Variants in CTNNA2 observed in about 807,000 individuals in gnomAD.
CTNNA2 encodes catenin alpha-2.
In CTNNA2, 42 loss-of-function variants were observed where a neutral mutation model predicts 101.0. The observed-to-expected ratio is 0.42, with a 90% confidence interval of 0.32 to 0.54. The LOEUF (loss-of-function observed/expected upper bound fraction) is 0.54. Ranked by LOEUF, CTNNA2 falls within the 20% of genes least tolerant of loss-of-function variation. CTNNA2 has a pLI of 0.14. For synonymous variants in CTNNA2, 450 were observed against 456.4 expected, an observed-to-expected ratio of 0.99 and a Z score of 0.18; for missense variants, 871 against 1,223.1, an observed-to-expected ratio of 0.71 and a Z score of 4.29.
At position 79,960,958 on chromosome 2, in the gene CTNNA2, C is replaced by T. The variant is rs539968665; in HGVS notation, c.1056+51161C>T. On this transcript the variant is annotated intron_variant, in intron 7 of 18. Coordinates refer to ENST00000402739, the MANE Select transcript of CTNNA2 (RefSeq NM_001282597.3). ...GGGTGATACAGTGACCTTTACATGG[C>T]CACTGTAGTTTCACAAAGAGGCTCT... Among the ~76,000 whole-genome samples the T allele has an allele frequency of 3.9e-5, 6 of 152,242 alleles. No homozygotes were observed. The South Asian group carries it at 1.0e-3, about 26-fold the overall frequency.
At chr2:79,352,054 G>C (rs1270465119) in intron 3 of CTNNA2, among the ~76,000 whole-genome samples, 1 of 152,126 alleles carries the variant, frequency 6.6e-6, no homozygotes, top group Non-Finnish European at 1.5e-5. Flanking sequence ...GCATATAACT[G>C]TTCCCTTTAC....
chr2:79,260,606 C>T (rs541401884), intron 2 of CTNNA2, among the ~76,000 whole-genome samples: 2 of 152,230 alleles, frequency 1.3e-5, no homozygotes, highest in African/African-American at 4.8e-5. Context: ...TTTAACTGAA[C>T]ATTACATTCG....
At chr2:80,356,264 G>C (rs1239300986) in intron 7 of CTNNA2, among the ~76,000 whole-genome samples, 1 of 152,128 alleles carries the variant, frequency 6.6e-6, no homozygotes, top group Non-Finnish European at 1.5e-5. Flanking sequence ...GCACAAAGGT[G>C]ACTAATGGAC....
intron 1 of CTNNA2, among the ~76,000 whole-genome samples, chr2:79,530,197 G>A (rs142917607): frequency 4.9e-4 from 75 of 152,206 alleles, no homozygotes; most frequent in Non-Finnish European, 1.0e-3. Flanking sequence ...AATTATTGGC[G>A]TGGGTAACAT....
chr2:80,222,781 A>T (rs755265584), intron 7 of CTNNA2, among the ~76,000 whole-genome samples: 3 of 152,228 alleles, frequency 2.0e-5, no homozygotes, highest in Non-Finnish European at 4.4e-5. Context: ...TTTAGCTATA[A>T]TCTCAAATCC....
At chr2:80,221,046 C>A (rs954385387) in intron 7 of CTNNA2, among the ~76,000 whole-genome samples, 1 of 152,052 alleles carries the variant, frequency 6.6e-6, no homozygotes, top group African/African-American at 2.4e-5. Context: ...GCATGCCGGG[C>A]TAATTTTGGT....
intron 7 of CTNNA2, among the ~76,000 whole-genome samples, chr2:79,962,365 A>G (rs1289738495): frequency 6.6e-6 from 1 of 152,238 alleles, no homozygotes; most frequent in East Asian, 1.9e-4. Flanking sequence ...CGTATTATTC[A>G]TGACCTATTC....
At chr2:80,145,834 G>GCA (rs2148918151) in intron 7 of CTNNA2, among the ~76,000 whole-genome samples, 1 of 152,280 alleles carries the variant, frequency 6.6e-6, no homozygotes, top group African/African-American at 2.4e-5. Context: ...TCCATTTGCC[G>GCA]CACACACACT....
At chr2:79,327,903 G>A (rs1334722059) in intron 3 of CTNNA2, among the ~76,000 whole-genome samples, 1 of 152,160 alleles carries the variant, frequency 6.6e-6, no homozygotes, top group Non-Finnish European at 1.5e-5. Flanking sequence ...TGTGAAATCA[G>A]AAGACTAGTA....
intron 2 of CTNNA2, among the ~76,000 whole-genome samples, chr2:79,231,914 TAAAAC>T (rs1428953047): frequency 2.0e-4 from 30 of 152,206 alleles, no homozygotes; most frequent in African/African-American, 7.2e-4. Flanking sequence ...TCTTGTATCC[TAAAAC>T]TTTACCAAAT....
chr2:79,450,074 A>G (rs1410283850), intron 4 of CTNNA2, among the ~76,000 whole-genome samples: 1 of 151,996 alleles, frequency 6.6e-6, no homozygotes, highest in Non-Finnish European at 1.5e-5. Context: ...TATTAGTGTG[A>G]CACTCTATGG....
chr2:80,478,176 C>T (rs1390252554), intron 9 of CTNNA2, among the ~76,000 whole-genome samples: 1 of 151,864 alleles, frequency 6.6e-6, no homozygotes, highest in Non-Finnish European at 1.5e-5. Flanking sequence ...TGTTTATTGC[C>T]CATTTGTATA....
chr2:79,321,307 C>T (rs888732226), intron 3 of CTNNA2, among the ~76,000 whole-genome samples: 1 of 152,028 alleles, frequency 6.6e-6, no homozygotes, highest in Non-Finnish European at 1.5e-5. Flanking sequence ...AGTCTATCAC[C>T]TCTTACGTAG....
chr2:79,689,618 AAGAAAAAGGT>A (rs1418127699), intron 2 of CTNNA2, among the ~76,000 whole-genome samples: 83 of 152,172 alleles, frequency 5.5e-4, no homozygotes, highest in Non-Finnish European at 1.0e-3. Context: ...GGCCAAAACA[AAGAAAAAGGT>A]AGCAAAAAAG....
At chr2:80,095,398 A>T (rs1280081547) in intron 7 of CTNNA2, among the ~76,000 whole-genome samples, 1 of 152,112 alleles carries the variant, frequency 6.6e-6, no homozygotes, top group East Asian at 1.9e-4. Context: ...TGCTGGATTC[A>T]GTTTGCCAGT....
rs191920912 is a variant in CTNNA2 at position 79,997,673 on chromosome 2, A to C, written c.1056+87876A>C. 3.7e-3 allele frequency among the ~76,000 whole-genome samples: 564 copies of C among 152,282 alleles called. 1 individual carries two copies. Among genetic ancestry groups the C allele is most frequent in the African/African-American group, 0.013 (523 of 41,554 alleles). On this transcript the variant is annotated intron_variant, in intron 7 of 18. Transcript: ENST00000402739. ...TCACTAAAACACAGCAAAGACTTCC[A>C]GAAGAATCTACACAGAAGCCACTGC...
exon 3 of CTNNA2, chr2:79,312,777 A>C (rs916120488): frequency 1.1e-4 from 16 of 152,226 alleles, no homozygotes; most frequent in African/African-American, 2.7e-4. Flanking sequence ...CATGAATCAC[A>C]CAGCAATCTC....
intron 7 of CTNNA2, among the ~76,000 whole-genome samples, chr2:79,971,119 T>A (rs1470009371): frequency 1.3e-5 from 2 of 152,112 alleles, no homozygotes; most frequent in Non-Finnish European, 1.5e-5. Flanking sequence ...ATCCTTAACT[T>A]GTTTCTATCC....
At chr2:80,572,742 T>C (rs1558601870) in intron 12 of CTNNA2, 1 of 152,164 alleles carries the variant, frequency 6.6e-6, no homozygotes, top group African/African-American at 2.4e-5. Flanking sequence ...GCTTAATATT[T>C]CCCAAATTCT....
Sources: allele counts gnomAD v4.1 joint callset (sites outside exome capture counted in the v4.1 genomes callset), GRCh38; gene constraint gnomAD v4.1.1; transcripts MANE v1.5; gene names NCBI Gene and HGNC (gene_info 2026-07-23, HGNC 2026-07-21).